Variants in CALN1 observed in about 807,000 individuals in gnomAD.
CALN1 encodes the protein calcium-binding protein 8.
Under a neutral mutation model 30.6 loss-of-function variants are expected in CALN1, and 17 were observed. The ratio of observed to expected loss-of-function variants is 0.56; its 90% confidence interval spans 0.38 to 0.83. The LOEUF is 0.83. CALN1 is among the 40% of genes least tolerant of loss of function. The pLI, the probability that CALN1 is intolerant of heterozygous loss-of-function variation, is 0.00. For synonymous variants in CALN1, 156 were observed against 131.4 expected (o/e 1.19, Z -1.28); for missense variants, 291 against 354.9 (o/e 0.82, Z 1.45).
intron 2 of CALN1, among the ~76,000 whole-genome samples, chr7:72,356,138 A>G (rs1585568686): frequency 6.6e-6 from 1 of 152,328 alleles, no homozygotes; most frequent in South Asian, 2.1e-4. Flanking sequence ...ATGATAATTT[A>G]AAAGTTAAAG....
chr7:71,865,876 CTAAGT>C (rs1477181266), intron 5 of CALN1, among the ~76,000 whole-genome samples: 2 of 151,932 alleles, frequency 1.3e-5, no homozygotes, highest in African/African-American at 2.4e-5. Flanking sequence ...ACAAATGCTC[CTAAGT>C]TAATATTTAT....
chr7:72,252,460 C>T (rs1289032925), intron 3 of CALN1, among the ~76,000 whole-genome samples: 1 of 151,992 alleles, frequency 6.6e-6, no homozygotes, highest in Non-Finnish European at 1.5e-5. Context: ...AAAAATTAGC[C>T]ATGTGTGGTG....
chr7:72,251,776 AT>A, intron 3 of CALN1, among the ~76,000 whole-genome samples: 1 of 152,250 alleles, frequency 6.6e-6, no homozygotes, highest in Middle Eastern at 3.4e-3. Flanking sequence ...AAGGTTCTAT[AT>A]ATTAACTGTA....
At chr7:71,855,565 T>C (rs1584379673) in intron 5 of CALN1, among the ~76,000 whole-genome samples, 1 of 152,098 alleles carries the variant, frequency 6.6e-6, no homozygotes, top group Non-Finnish European at 1.5e-5. Flanking sequence ...AGCCTTTCAA[T>C]CTGGAGCTAG....
chr7:71,935,258 G>T (rs1162971976), intron 5 of CALN1, among the ~76,000 whole-genome samples: 1 of 152,210 alleles, frequency 6.6e-6, no homozygotes, highest in African/African-American at 2.4e-5. Context: ...TCTGGCAAAG[G>T]AGTTGTTTCA....
chr7:72,334,851 C>CA (rs1801906520), intron 2 of CALN1, among the ~76,000 whole-genome samples: 1 of 152,192 alleles, frequency 6.6e-6, no homozygotes, highest in South Asian at 2.1e-4. Context: ...TAAACAGCTT[C>CA]ATGCAGCTAT....
At chr7:72,304,570 A>G (rs1198864434) in intron 2 of CALN1, among the ~76,000 whole-genome samples, 2 of 152,204 alleles carry the variant, frequency 1.3e-5, no homozygotes, top group African/African-American at 4.8e-5. Flanking sequence ...AAAATGGCTT[A>G]CAATGCTTGC....
chr7:72,442,988 A>T (rs967812403), intron 1 of CALN1, among the ~76,000 whole-genome samples: 5 of 151,120 alleles, frequency 3.3e-5, no homozygotes, highest in Admixed American at 2.6e-4. Flanking sequence ...GCACTTTATT[A>T]AGGGTTGTGC....
chr7:72,006,537 C>T (rs909055000), intron 5 of CALN1, among the ~76,000 whole-genome samples: 7 of 151,592 alleles, frequency 4.6e-5, no homozygotes, highest in Admixed American at 1.3e-4. Context: ...AATTCTGACA[C>T]GATGATTTTT....
intron 5 of CALN1, among the ~76,000 whole-genome samples, chr7:71,978,609 G>A (rs1798227935): frequency 6.6e-6 from 1 of 152,192 alleles, no homozygotes; most frequent in African/African-American, 2.4e-5. Context: ...ACTGAGGGCA[G>A]GGGCAGCGCC....
chr7:71,977,732 G>T (rs1798168876), intron 5 of CALN1, among the ~76,000 whole-genome samples: 1 of 152,048 alleles, frequency 6.6e-6, no homozygotes. Flanking sequence ...AGGAGTTCAA[G>T]ACCAGCCTGG....
chr7:72,291,949 G>C (rs1277649040), intron 2 of CALN1, among the ~76,000 whole-genome samples: 1 of 151,276 alleles, frequency 6.6e-6, no homozygotes, highest in Admixed American at 6.6e-5. Context: ...GATGGTATTA[G>C]CAGATAGGGG....
intron 5 of CALN1, among the ~76,000 whole-genome samples, chr7:72,013,653 A>T (rs1245945520): frequency 6.6e-6 from 1 of 152,190 alleles, no homozygotes; most frequent in Non-Finnish European, 1.5e-5. Flanking sequence ...TGTGCCAGTC[A>T]AAATAAGTAC....
At chr7:72,358,059 A>G (rs1803347063) in intron 2 of CALN1, among the ~76,000 whole-genome samples, 2 of 151,702 alleles carry the variant, frequency 1.3e-5, no homozygotes, top group Non-Finnish European at 2.9e-5. Context: ...TGATGCAATC[A>G]TAACTCACTG....
At chr7:71,998,951 A>G (rs1799390780) in intron 5 of CALN1, among the ~76,000 whole-genome samples, 2 of 152,208 alleles carry the variant, frequency 1.3e-5, no homozygotes, top group South Asian at 4.1e-4. Context: ...ACAAGAATCC[A>G]AGGAACCAAA....
chr7:72,101,440 C>G (rs1806658143), intron 4 of CALN1, among the ~76,000 whole-genome samples: 1 of 152,110 alleles, frequency 6.6e-6, no homozygotes, highest in South Asian at 2.1e-4. Context: ...TCCAGCTTTT[C>G]AGAAATATCT....
chr7:72,225,453 T>C (rs1793603032), intron 3 of CALN1, among the ~76,000 whole-genome samples: 1 of 152,034 alleles, frequency 6.6e-6, no homozygotes, highest in South Asian at 2.1e-4. Context: ...TGAGCAGGGC[T>C]TTCCGCCGTG....
intron 2 of CALN1, among the ~76,000 whole-genome samples, chr7:72,319,437 C>T (rs978574665): frequency 1.3e-5 from 2 of 152,298 alleles, no homozygotes; most frequent in East Asian, 3.9e-4. Flanking sequence ...ACGAGAACAG[C>T]ATGGAAAAGA....
At chr7:71,805,386 C>T (rs963433967) in intron 6 of CALN1, among the ~76,000 whole-genome samples, 7 of 152,278 alleles carry the variant, frequency 4.6e-5, no homozygotes, top group South Asian at 4.1e-4. Context: ...GTTCCTTTCC[C>T]TCTCATTGGT....
Sources: gnomAD v4.1 joint callset for allele counts (sites outside exome capture counted in the v4.1 genomes callset) on GRCh38, gnomAD v4.1.1 for gene constraint, MANE v1.5 for transcripts, NCBI Gene and HGNC (gene_info 2026-07-23, HGNC 2026-07-21) for gene names.